RIN2: variants seen among roughly 807,000 people sequenced by gnomAD.
The protein encoded by RIN2 is Ras and Rab interactor 2, also known as RAB5 interacting protein 2.
RIN2 carries 36 observed loss-of-function variants against 78.0 expected under a neutral mutation model. The observed-to-expected ratio is 0.46, with a 90% CI of 0.35 to 0.61. RIN2 has a LOEUF of 0.61. RIN2 is among the 20% of genes least tolerant of loss of function. The probability of loss-of-function intolerance (pLI) is 0.00; values close to 1 mark genes in which losing one functional copy is unlikely to be tolerated. For synonymous variants in RIN2, 466 were observed against 466.8 expected, an observed-to-expected ratio of 1.00 and a Z score of 0.02; for missense variants, 1,087 against 1,159.7, an observed-to-expected ratio of 0.94 and a Z score of 0.91.
chr20:19,985,042 C>T (rs1337490443), intron 9 of RIN2, among the ~76,000 whole-genome samples: 1 of 152,206 alleles, frequency 6.6e-6, no homozygotes, highest in Non-Finnish European at 1.5e-5. Flanking sequence ...GGCCTCCCCA[C>T]GGCTCCCAGG....
intron 3 of RIN2, among the ~76,000 whole-genome samples, chr20:19,906,497 T>C (rs1270504922): frequency 6.6e-6 from 1 of 152,112 alleles, no homozygotes; most frequent in Non-Finnish European, 1.5e-5. Context: ...GTGTTAACCT[T>C]GGATGCTTAC....
At chr20:19,931,480 T>G (rs980180305) in intron 3 of RIN2, among the ~76,000 whole-genome samples, 1 of 152,172 alleles carries the variant, frequency 6.6e-6, no homozygotes, top group South Asian at 2.1e-4. Flanking sequence ...CGAAATAGTA[T>G]TCTTTCAACA....
At chr20:19,939,691 G>A (rs1403597169) in intron 4 of RIN2, among the ~76,000 whole-genome samples, 1 of 152,070 alleles carries the variant, frequency 6.6e-6, no homozygotes, top group Non-Finnish European at 1.5e-5. Context: ...CTGCCTCCTG[G>A]CCTTTGTACT....
At chr20:19,841,074 T>A (rs2123081462) in intron 2 of RIN2, among the ~76,000 whole-genome samples, 1 of 152,252 alleles carries the variant, frequency 6.6e-6, no homozygotes, top group East Asian at 1.9e-4. Flanking sequence ...CGGCAAGGAC[T>A]TTATTTTCTT....
At chr20:19,783,877 T>A (rs904072200) in intron 1 of RIN2, among the ~76,000 whole-genome samples, 1 of 152,086 alleles carries the variant, frequency 6.6e-6, no homozygotes, top group African/African-American at 2.4e-5. Flanking sequence ...GGCCTCTCCC[T>A]GGGAAAAGCT....
chr20:19,855,683 G>A (rs955762598), intron 2 of RIN2, among the ~76,000 whole-genome samples: 5 of 152,116 alleles, frequency 3.3e-5, no homozygotes, highest in African/African-American at 1.2e-4. Context: ...AGGAATATGA[G>A]TCTTTCACTG....
Position 19,933,807 on chromosome 20 carries a change from ATTG to A in RIN2, c.58-1283_58-1281del, listed in dbSNP as rs1461330746. Among the ~76,000 whole-genome samples, 9 of 152,064 alleles carry A rather than the reference ATTG, an allele frequency of 5.9e-5. No homozygotes were observed. The East Asian group carries it at 1.4e-3, about 23-fold the overall frequency. On this transcript the variant is annotated intron_variant, in intron 3 of 12. Coordinates refer to ENST00000255006, the MANE Select transcript of RIN2 (RefSeq NM_018993.4). The stretch of plus-strand genomic sequence containing the variant: ...CCCCTTGATGCTCTTTAAAATTATT[ATTG>A]TTGTTGTTATTTTTTTGAGATGGAG...
rs548465851 is a variant in RIN2 at position 19,981,356 on chromosome 20, C to T, written c.1762+5569C>T. On this transcript the variant is annotated intron_variant, in intron 9 of 12. Coordinates refer to ENST00000255006, the MANE Select transcript of RIN2 (RefSeq NM_018993.4). Reference sequence around the variant, plus strand: ...GAAATTGTTCTCCCAACCCCCTGACCCAGGCCATGTATGCCAGGTTTCTGC... The same window carrying T: ...GAAATTGTTCTCCCAACCCCCTGACTCAGGCCATGTATGCCAGGTTTCTGC... 7.9e-5 allele frequency among the ~76,000 whole-genome samples: 12 copies of T among 152,250 alleles called. No individual in the cohort carries two copies. The South Asian group carries it at 2.5e-3, about 32-fold the overall frequency.
At chr20:19,958,399 A>G (rs1167750643) in intron 5 of RIN2, among the ~76,000 whole-genome samples, 1 of 152,264 alleles carries the variant, frequency 6.6e-6, no homozygotes, top group Non-Finnish European at 1.5e-5. Context: ...CAGCCTGCCC[A>G]GCTCCCCCTC....
At chr20:19,865,159 A>T (rs943158432) in intron 2 of RIN2, among the ~76,000 whole-genome samples, 1 of 152,172 alleles carries the variant, frequency 6.6e-6, no homozygotes, top group African/African-American at 2.4e-5. Context: ...ATCATCTTCA[A>T]ATTACTAACA....
Position 19,884,318 on chromosome 20 carries a change from G to A in RIN2, c.-36-5248G>A, listed in dbSNP as rs570935441. 3.3e-5 allele frequency among the ~76,000 whole-genome samples: 5 copies of A among 152,180 alleles called. No homozygotes were observed. In the East Asian group the frequency reaches 7.8e-4, roughly 24 times the overall value. On this transcript the variant is annotated intron_variant, in intron 2 of 12. Transcript: ENST00000255006. ...CACACACTGGTAGTCTCAGCTATTC[G>A]GGAGGCTGAGGTGGGAGAATCACTT...
At chr20:19,965,125 T>C (rs1600972584) in intron 7 of RIN2, 101 bp downstream of exon 7, 1 of 927,768 alleles carries the variant, frequency 1.1e-6, no homozygotes, top group East Asian at 2.4e-5. Context: ...GGCCACCTAT[T>C]TGATGTTGGC....
At chr20:19,773,437 A>T (rs1228144197) in intron 1 of RIN2, among the ~76,000 whole-genome samples, 1 of 152,164 alleles carries the variant, frequency 6.6e-6, no homozygotes, top group African/African-American at 2.4e-5. Context: ...AGAGTCAGGC[A>T]TTCTCAGCAG....
rs779566957 is a variant in RIN2, at chr20:19,956,596, C to A, written c.159-19C>A. The A allele has an allele frequency of 1.8e-4, 292 of 1,609,744 alleles. No individual in the cohort carries two copies. The highest frequency in any genetic ancestry group is 2.4e-4 in the Non-Finnish European group (284 of 1,178,026). ...ATGGTACTGCAGCCAGCTGACCGTGCCGCTTCTCTTTCTCCTAGCATGGTA... is the reference window on the plus strand; with the variant it reads ...ATGGTACTGCAGCCAGCTGACCGTGACGCTTCTCTTTCTCCTAGCATGGTA... On this transcript the variant is annotated intron_variant, in intron 4 of 12. Transcript: ENST00000255006.
At chr20:19,913,134 A>C (rs1568602499) in intron 3 of RIN2, among the ~76,000 whole-genome samples, 1 of 152,240 alleles carries the variant, frequency 6.6e-6, no homozygotes, top group South Asian at 2.1e-4. Flanking sequence ...ACATATATTC[A>C]TAAACAAAAA....
chr20:19,844,593 G>GCTGCTTCCTCTTCTT (rs1568806843), intron 2 of RIN2, among the ~76,000 whole-genome samples: 1 of 64,064 alleles, frequency 1.6e-5, no homozygotes, highest in African/African-American at 5.1e-5. Context: ...TGCTGCTGCT[G>GCTGCTTCCTCTTCTT]CTTCTTCCTC....
At chr20:19,795,859 C>T (rs1442653034) in intron 1 of RIN2, among the ~76,000 whole-genome samples, 1 of 152,114 alleles carries the variant, frequency 6.6e-6, no homozygotes, top group Admixed American at 6.5e-5. Flanking sequence ...GCTCCAGAAG[C>T]TCTATGTTTA....
At chr20:19,934,799 G>T (rs1217123047) in intron 3 of RIN2, among the ~76,000 whole-genome samples, 4 of 151,722 alleles carry the variant, frequency 2.6e-5, no homozygotes. Flanking sequence ...AAGCTAACTG[G>T]GTGTTATATT....
chr20:19,847,312 A>G (rs1206923008), intron 2 of RIN2, among the ~76,000 whole-genome samples: 1 of 152,204 alleles, frequency 6.6e-6, no homozygotes, highest in Non-Finnish European at 1.5e-5. Flanking sequence ...TGCTCATAAA[A>G]CTGTCAGTTT....
Sources: gnomAD v4.1 joint callset for allele counts (sites outside exome capture counted in the v4.1 genomes callset) on GRCh38, gnomAD v4.1.1 for gene constraint, MANE v1.5 for transcripts, NCBI Gene and HGNC (gene_info 2026-07-23, HGNC 2026-07-21) for gene names.